AFG2B: variants seen among roughly 807,000 people sequenced by gnomAD.
AFG2B encodes the protein AAA ATPase AFG2B.
chr15:45,403,916 C>T, the AFG2B span, among the ~76,000 whole-genome samples: 2 of 152,070 alleles, frequency 1.3e-5, no homozygotes. Context: ...AGAAGGATAG[C>T]CTCAAGAAGT....
chr15:45,417,518 TTCA>T, the AFG2B span: 1 of 972,474 alleles, frequency 1.0e-6, no homozygotes, highest in Non-Finnish European at 1.5e-6. Context: ...CTGGTGGCCT[TTCA>T]TGACATCATA....
the AFG2B span, chr15:45,410,298 A>G: frequency 1.3e-6 from 2 of 1,524,644 alleles, no homozygotes; most frequent in Non-Finnish European, 1.8e-6. Flanking sequence ...AAGATTTTAA[A>G]AACAAATTGT....
chr15:45,403,522 A>C, the AFG2B span: 2 of 1,602,172 alleles, frequency 1.2e-6, no homozygotes, highest in African/African-American at 1.4e-5. Context: ...CCGAGAGGTG[A>C]ATGGGCTTGG....
the AFG2B span, among the ~76,000 whole-genome samples, chr15:45,420,693 T>C: frequency 2.7e-5 from 4 of 146,762 alleles, no homozygotes. Flanking sequence ...CCATATATTG[T>C]TAAAAAAAAA....
At chr15:45,414,861 T>C in the AFG2B span, 809 of 1,217,118 alleles carry the variant, frequency 6.6e-4, 2 homozygotes, top group African/African-American at 0.011. Flanking sequence ...TTAAAAATAT[T>C]ACTAGTGTTT....
the AFG2B span, among the ~76,000 whole-genome samples, chr15:45,411,209 A>C: frequency 7.2e-5 from 11 of 152,220 alleles, no homozygotes; most frequent in East Asian, 9.7e-4. Flanking sequence ...GGGGGGAAAA[A>C]AGTGTATAAC....
At chr15:45,406,995 G>A in the AFG2B span, 1 of 1,282,782 alleles carries the variant, frequency 7.8e-7, no homozygotes, top group Middle Eastern at 2.1e-4. Flanking sequence ...GATGGGAAGG[G>A]AGATTTACAT....
the AFG2B span, chr15:45,407,019 TGC>T: frequency 7.8e-7 from 1 of 1,289,178 alleles, no homozygotes; most frequent in Non-Finnish European, 1.0e-6. Context: ...GGATTTCCTC[TGC>T]TTTGAAGTTC....
At chr15:45,415,063 A>C in the AFG2B span, among the ~76,000 whole-genome samples, 18 of 152,270 alleles carry the variant, frequency 1.2e-4, no homozygotes, top group Admixed American at 3.3e-4. Context: ...TTTTAAACTT[A>C]ATATTACTAC....
chr15:45,414,596 C>A, the AFG2B span: 11 of 1,614,066 alleles, frequency 6.8e-6, no homozygotes, highest in Non-Finnish European at 8.5e-6. Flanking sequence ...CTGAAATTCC[C>A]TTGGGAATTT....
At chr15:45,405,312 GC>G in the AFG2B span, 2 of 1,612,020 alleles carry the variant, frequency 1.2e-6, no homozygotes. Flanking sequence ...GTTTTGCTTT[GC>G]ATATAGGTGG....
the AFG2B span, among the ~76,000 whole-genome samples, chr15:45,409,809 G>A: frequency 6.6e-6 from 1 of 152,190 alleles, no homozygotes; most frequent in Non-Finnish European, 1.5e-5. Flanking sequence ...GGAGACTGCA[G>A]TGAGCTATGA....
chr15:45,417,448 C>T, the AFG2B span: 19 of 1,601,680 alleles, frequency 1.2e-5, no homozygotes, highest in Non-Finnish European at 1.5e-5. Context: ...AATTGAATTC[C>T]AACTTGGATA....
At chr15:45,408,808 C>A in the AFG2B span, among the ~76,000 whole-genome samples, 2 of 152,070 alleles carry the variant, frequency 1.3e-5, no homozygotes, top group Admixed American at 6.5e-5. Flanking sequence ...TCACTTGAGC[C>A]CAGGTGTTCG....
the AFG2B span, chr15:45,415,716 A>G: frequency 1.9e-3 from 3,110 of 1,614,106 alleles, 53 homozygotes; most frequent in African/African-American, 0.035. Context: ...TGTTCTCCTG[A>G]ATGAATTAGA....
the AFG2B span, among the ~76,000 whole-genome samples, chr15:45,420,089 T>C: frequency 1.3e-5 from 2 of 151,758 alleles, no homozygotes; most frequent in African/African-American, 2.4e-5. Context: ...TTTTGAACTT[T>C]ATATGAATGG....
the AFG2B span, chr15:45,405,492 T>A: frequency 6.2e-7 from 1 of 1,613,360 alleles, no homozygotes; most frequent in Non-Finnish European, 8.5e-7. Flanking sequence ...CATGCCCTCC[T>A]TCATAGTGAG....
chr15:45,402,884 C>T, the AFG2B span: 1 of 1,598,444 alleles, frequency 6.3e-7, no homozygotes, highest in Non-Finnish European at 8.5e-7. Flanking sequence ...GTGGTGGTCG[C>T]TCCGCCAGGC....
chr15:45,407,015 C>T, the AFG2B span: 1 of 1,289,048 alleles, frequency 7.8e-7, no homozygotes, highest in South Asian at 1.2e-5. Flanking sequence ...TTCAGGATTT[C>T]CTCTGCTTTG....
Sources: allele counts gnomAD v4.1 joint callset (sites outside exome capture counted in the v4.1 genomes callset), GRCh38; gene constraint gnomAD v4.1.1; transcripts MANE v1.5; gene names NCBI Gene and HGNC (gene_info 2026-07-23, HGNC 2026-07-21).